SMARCA4: variants seen among roughly 807,000 people sequenced by gnomAD.
SMARCA4 encodes the protein SWI/SNF related BAF chromatin remodeling complex subunit ATPase 4.
A neutral mutation model predicts 193.9 loss-of-function variants in SMARCA4; 31 were observed. That is an observed-to-expected ratio of 0.16 (90% CI 0.12 to 0.22). The LOEUF is 0.22. Among genes scored for constraint, SMARCA4 ranks in the 10% least tolerant of loss-of-function variants. The pLI, the probability that SMARCA4 is intolerant of heterozygous loss-of-function variation, is 1.00. For missense variants in SMARCA4, 1,148 were observed against 2,296.0 expected (o/e 0.50, Z 10.22); for synonymous variants, 942 against 933.1 (o/e 1.01, Z -0.17).
chr19:10,981,262 G>A (rs1003211245), intron 1 of SMARCA4, among the ~76,000 whole-genome samples: 2 of 152,212 alleles, frequency 1.3e-5, no homozygotes, highest in East Asian at 1.9e-4. Flanking sequence ...TGCCCTGGCC[G>A]TGCCCACGTT....
intron 1 of SMARCA4, among the ~76,000 whole-genome samples, chr19:10,982,501 AC>A (rs1160498014): frequency 4.0e-5 from 6 of 149,708 alleles, no homozygotes; most frequent in Non-Finnish European, 7.4e-5. Flanking sequence ...CAAAAATAGA[AC>A]TTTTTTTTTT....
Position 11,061,833 on chromosome 19 carries a change from C to G in SMARCA4, c.*17C>G. The G allele has an allele frequency of 6.2e-7, 1 of 1,613,550 alleles. No homozygotes were observed. The highest frequency in any genetic ancestry group is 8.5e-7 in the Non-Finnish European group (1 of 1,179,500). On this transcript the variant is annotated 3_prime_UTR_variant, in exon 35 of 35. Transcript: ENST00000344626. ...GAAGACTGAGCCCCGACATTCCAGT[C>G]TCGACCCCGAGCCCCTCGTTCCAGA...
At position 11,019,417 on chromosome 19, in the gene SMARCA4, C is replaced by T. The variant is rs367590657; in HGVS notation, c.2506-174C>T. ...TCTTCCCCCTGCAGCGCGTGTTCTG[C>T]GTGGTGAGGTCTGGGGACGCGCCAG... On this transcript the variant is annotated intron_variant, in intron 17 of 34. Coordinates refer to ENST00000344626, the MANE Select transcript of SMARCA4 (RefSeq NM_003072.5). The surrounding 1 kb of genome is among the most constrained non-coding windows in gnomAD (Gnocchi z 6.1). 3.3e-5 allele frequency: 21 copies of T among 636,036 alleles called. No individual in the cohort carries two copies. The East Asian group carries it at 4.4e-4, about 13-fold the overall frequency. 39.4% of individuals were successfully genotyped at this position (636,036 alleles called of 1,614,324 possible).
rs536279659 is a variant in SMARCA4, at chr19:10,997,026, G to GT, written c.1812+493dup. Among the ~76,000 whole-genome samples the GT allele has an allele frequency of 8.5e-3, 1,221 of 143,730 alleles. 8 individuals are homozygous for GT. Among genetic ancestry groups the GT allele is most frequent in the Non-Finnish European group, 9.4e-3 (615 of 65,230 alleles). The allele number at this position is 143,730 out of a possible 152,430, so 94.3% of individuals were successfully genotyped here. A position where few individuals can be genotyped will look rare whatever the true frequency, so the allele number is the denominator to read the frequency against. On this transcript the variant is annotated intron_variant, in intron 11 of 34. Transcript: ENST00000344626. ...ATGCCCCACCACACCCAGCTAAGTT[G>GT]TTTTTTTTTTTGAGATGGAGTTTTG... is the stretch of plus-strand genomic sequence containing the variant.
chr19:10,990,170 T>C (rs529340228), intron 7 of SMARCA4, among the ~76,000 whole-genome samples: 2 of 151,712 alleles, frequency 1.3e-5, no homozygotes, highest in East Asian at 1.9e-4. Flanking sequence ...TTTCTTTTTT[T>C]TGAAACAGAG....
intron 34 of SMARCA4, 94 bp from the exon 35 acceptor site, chr19:11,061,690 C>T: frequency 2.4e-6 from 3 of 1,272,000 alleles, no homozygotes; most frequent in Admixed American, 3.4e-5. Context: ...TCAGTGTTTT[C>T]TTGAGCAAGT....
At chr19:11,025,111 C>T (rs1280616929) in intron 21 of SMARCA4, among the ~76,000 whole-genome samples, 3 of 151,920 alleles carry the variant, frequency 2.0e-5, no homozygotes, top group African/African-American at 7.3e-5. Context: ...GTGCCCAGAA[C>T]AAAGCTGGCA....
chr19:10,985,342 A>G lies in SMARCA4; in HGVS notation c.292A>G (p.Met98Val). 2 of 1,614,020 alleles carry G rather than the reference A, an allele frequency of 1.2e-6. No homozygotes were observed. The highest frequency in any genetic ancestry group is 1.7e-5 in the Admixed American group (1 of 60,014). The change falls in exon 3 of 35, where the codon ATG becomes GTG. Residue 98 changes from methionine (M) to valine (V), a missense_variant. By Grantham distance (21) the Met-to-Val change is conservative. Around this residue, in one of 17 missense-constraint regions of SMARCA4, gnomAD observed 201 missense variants for 248.3 expected, o/e 0.81. Coordinates refer to ENST00000344626, the MANE Select transcript of SMARCA4 (RefSeq NM_003072.5). This position sits in a 1 kb window ranked among gnomAD's most constrained non-coding sequence, Gnocchi z 4.5. ...CTACAACCAGATGAAAGGAATGGGGATGCGGTCAGGGGGCCATGCTGGGAT... is the reference window on the plus strand; with the variant it reads ...CTACAACCAGATGAAAGGAATGGGGGTGCGGTCAGGGGGCCATGCTGGGAT... ...PRYNQMKGMG[M>V]RSGGHAGMGP...
intron 16 of SMARCA4, among the ~76,000 whole-genome samples, chr19:11,018,509 A>G (rs904007217): frequency 1.3e-5 from 2 of 152,214 alleles, no homozygotes; most frequent in Non-Finnish European, 2.9e-5. Flanking sequence ...TCTCACAGTC[A>G]GGAACCTTCC....
chr19:11,003,913 T>C (rs2087908903), intron 13 of SMARCA4, among the ~76,000 whole-genome samples: 1 of 151,562 alleles, frequency 6.6e-6, no homozygotes, highest in African/African-American at 2.4e-5. Context: ...AGTTTCATCA[T>C]ATTGGCCAGG....
At chr19:10,993,100 C>A (rs540074088) in intron 8 of SMARCA4, among the ~76,000 whole-genome samples, 5 of 151,492 alleles carry the variant, frequency 3.3e-5, no homozygotes, top group Non-Finnish European at 7.4e-5. Flanking sequence ...ATTCTCCTGC[C>A]TTAGCCACCT....
At chr19:10,970,908 C>T (rs190362800) in intron 1 of SMARCA4, among the ~76,000 whole-genome samples, 8 of 152,152 alleles carry the variant, frequency 5.3e-5, no homozygotes, top group Admixed American at 2.6e-4. Flanking sequence ...TGTAGAGAAA[C>T]GGAGTGTGGG....
At chr19:10,966,690 A>G (rs960205074) in intron 1 of SMARCA4, among the ~76,000 whole-genome samples, 2 of 151,782 alleles carry the variant, frequency 1.3e-5, no homozygotes, top group Admixed American at 1.3e-4. Context: ...GTTCAAGACC[A>G]GCCTGGGCAA....
intron 11 of SMARCA4, 43 bp downstream of exon 11, chr19:10,996,587 A>G (rs773774400): frequency 4.5e-6 from 7 of 1,571,974 alleles, no homozygotes; most frequent in Middle Eastern, 1.7e-4. Flanking sequence ...AGCTAGCCCT[A>G]AGGCGTTGGT....
chr19:11,059,669 G>A (rs2076743450), intron 32 of SMARCA4, 84 bp from the exon 33 acceptor site: 1 of 1,451,572 alleles, frequency 6.9e-7, no homozygotes, highest in Non-Finnish European at 9.5e-7. Context: ...GCAACACAGG[G>A]CTGGGGCTGG....
rs2086118753 is a variant in SMARCA4, at chr19:10,987,070, G to A, written c.859+67G>A. 2 of 1,181,342 alleles carry A rather than the reference G, an allele frequency of 1.7e-6. No homozygotes were observed. The highest frequency in any genetic ancestry group is 1.8e-5 in the Admixed American group (1 of 56,238). The allele number at this position is 1,181,342 out of a possible 1,614,324, so 73.2% of individuals were successfully genotyped here. A position where few individuals can be genotyped will look rare whatever the true frequency, so the allele number is the denominator to read the frequency against. The stretch of plus-strand genomic sequence containing the variant: ...CCCCATCTCAAGCTTGGGTCCTTGA[G>A]ATGAGCTTTGTCAGGGAGAAAGGGC... On this transcript the variant is annotated intron_variant, in intron 5 of 34. Coordinates refer to ENST00000344626, the MANE Select transcript of SMARCA4 (RefSeq NM_003072.5). The surrounding 1 kb of genome is among the most constrained non-coding windows in gnomAD (Gnocchi z 5.3).
At chr19:10,966,715 G>A (rs993514975) in intron 1 of SMARCA4, among the ~76,000 whole-genome samples, 2 of 152,046 alleles carry the variant, frequency 1.3e-5, no homozygotes, top group East Asian at 1.9e-4. Context: ...GTGAAACCCC[G>A]TCTCTACGAA....
At chr19:10,994,346 C>G (rs140458365) in intron 8 of SMARCA4, among the ~76,000 whole-genome samples, 6,476 of 112,024 alleles carry the variant, frequency 0.058, 207 homozygotes, top group South Asian at 0.13. Flanking sequence ...TTTTTTGAGA[C>G]AGCGTCTCAC....
rs545783054 is a variant in SMARCA4 at position 11,016,563 on chromosome 19, A to G, written c.2439-2394A>G. Among the ~76,000 whole-genome samples the G allele has an allele frequency of 3.0e-4, 46 of 152,292 alleles. No individual in the cohort carries two copies. The South Asian group carries it at 7.0e-3, about 23-fold the overall frequency. On this transcript the variant is annotated intron_variant, in intron 16 of 34. Coordinates refer to ENST00000344626, the MANE Select transcript of SMARCA4 (RefSeq NM_003072.5). ...AATTATTATATCAGTGTGGGCGTGAACAAATATTATTTATTTTGTTGCTTC... is the reference window on the plus strand; with the variant it reads ...AATTATTATATCAGTGTGGGCGTGAGCAAATATTATTTATTTTGTTGCTTC...
Sources: allele counts gnomAD v4.1 joint callset (sites outside exome capture counted in the v4.1 genomes callset), GRCh38; gene constraint gnomAD v4.1.1; regional missense constraint gnomAD v4.1.1; non-coding constraint Gnocchi (gnomAD v3.1); transcripts MANE v1.5; gene names NCBI Gene and HGNC (gene_info 2026-07-23, HGNC 2026-07-21).